FHIT: variants seen among roughly 807,000 people sequenced by gnomAD.
FHIT encodes the protein bis(5'-adenosyl)-triphosphatase.
FHIT carries 19 observed loss-of-function variants against 17.9 expected under a neutral mutation model. That is an observed-to-expected ratio of 1.06 (90% CI 0.74 to 1.56). The LOEUF (loss-of-function observed/expected upper bound fraction) is 1.56. Among genes scored for constraint, FHIT ranks in the 40% most tolerant of loss-of-function variants. The pLI, the probability that FHIT is intolerant of heterozygous loss-of-function variation, is 0.00. For synonymous variants in FHIT, 81 were observed against 69.7 expected (o/e 1.16, Z -0.81); for missense variants, 248 against 189.2 (o/e 1.31, Z -1.82).
intron 4 of FHIT, among the ~76,000 whole-genome samples, chr3:60,805,443 C>T (rs1383658412): frequency 1.3e-5 from 2 of 152,186 alleles, no homozygotes; most frequent in South Asian, 2.1e-4. Context: ...CTGTGTGCTT[C>T]CTCCCCTAGT....
rs11382712 is a variant in FHIT at position 60,909,369 on chromosome 3, GA to G, written c.-110-87359del. Among the ~76,000 whole-genome samples the G allele has an allele frequency of 4.3e-3, 515 of 120,292 alleles. 4 individuals carry two copies. The South Asian group carries it at 0.048, about 11-fold the overall frequency. The allele number at this position is 120,292 out of a possible 152,430, so 78.9% of individuals were successfully genotyped here. A position where few individuals can be genotyped will look rare whatever the true frequency, so the allele number is the denominator to read the frequency against. Reference sequence around the variant, plus strand: ...GGGCAGCAGAGCGAGACTCTGTCTCGAAAAAAAAAAAAAAAAATGAGGGTAA... The same window carrying G: ...GGGCAGCAGAGCGAGACTCTGTCTCGAAAAAAAAAAAAAAAATGAGGGTAA... On this transcript the variant is annotated intron_variant, in intron 3 of 9. Transcript: ENST00000492590.
intron 2 of FHIT, among the ~76,000 whole-genome samples, chr3:61,055,790 G>A (rs541325654): frequency 3.9e-5 from 6 of 152,302 alleles, no homozygotes; most frequent in South Asian, 2.1e-4. Context: ...GTGTTCTAAT[G>A]AGGGACAGAG....
intron 4 of FHIT, among the ~76,000 whole-genome samples, chr3:60,562,446 T>C (rs2036986022): frequency 6.6e-6 from 1 of 152,180 alleles, no homozygotes; most frequent in Admixed American, 6.6e-5. Flanking sequence ...AAGAAAAGTC[T>C]CACTTGAGAC....
At chr3:59,986,528 T>C (rs796912717) in intron 7 of FHIT, among the ~76,000 whole-genome samples, 56 of 3,740 alleles carry the variant, frequency 0.015, 5 homozygotes, top group South Asian at 0.028. Flanking sequence ...TATATATATA[T>C]ATATATATAT....
At chr3:60,438,106 G>C (rs375396298) in intron 5 of FHIT, among the ~76,000 whole-genome samples, 1 of 151,890 alleles carries the variant, frequency 6.6e-6, no homozygotes, top group Admixed American at 6.6e-5. Context: ...TGTGGCAACC[G>C]TACAGTCAAA....
At chr3:60,482,591 G>A (rs2033660571) in intron 5 of FHIT, among the ~76,000 whole-genome samples, 1 of 152,044 alleles carries the variant, frequency 6.6e-6, no homozygotes, top group Non-Finnish European at 1.5e-5. Context: ...GGTAAATAAT[G>A]GAATTAAGGC....
At chr3:60,572,466 CTG>C (rs2037418154) in intron 4 of FHIT, among the ~76,000 whole-genome samples, 1 of 151,892 alleles carries the variant, frequency 6.6e-6, no homozygotes, top group Non-Finnish European at 1.5e-5. Context: ...AAAAAAGAGA[CTG>C]TTGATAACAT....
At chr3:61,008,231 A>G (rs1476716069) in intron 3 of FHIT, among the ~76,000 whole-genome samples, 1 of 152,256 alleles carries the variant, frequency 6.6e-6, no homozygotes, top group Non-Finnish European at 1.5e-5. Context: ...CCATTTTAAA[A>G]GGTACTGTCC....
chr3:60,281,318 T>C (rs1268968815), intron 5 of FHIT, among the ~76,000 whole-genome samples: 9 of 152,282 alleles, frequency 5.9e-5, no homozygotes, highest in Non-Finnish European at 8.8e-5. Context: ...AAAGTTATTC[T>C]GTGAATATCA....
At chr3:59,865,280 A>C (rs1523115) in intron 8 of FHIT, among the ~76,000 whole-genome samples, 1 of 152,110 alleles carries the variant, frequency 6.6e-6, no homozygotes, top group Non-Finnish European at 1.5e-5. Flanking sequence ...CTTTTAAACC[A>C]TGGCTGTCAC....
At chr3:60,128,582 A>T (rs1403627152) in intron 5 of FHIT, among the ~76,000 whole-genome samples, 1 of 152,184 alleles carries the variant, frequency 6.6e-6, no homozygotes, top group Non-Finnish European at 1.5e-5. Flanking sequence ...AGTACCCAAG[A>T]TATTACAGCA....
chr3:61,214,922 A>G (rs960589217), intron 1 of FHIT, among the ~76,000 whole-genome samples: 3 of 152,006 alleles, frequency 2.0e-5, no homozygotes, highest in African/African-American at 4.8e-5. Flanking sequence ...GATTACCTCA[A>G]TAGATGCAGA....
intron 3 of FHIT, among the ~76,000 whole-genome samples, chr3:61,027,932 G>GCA (rs1271543613): frequency 6.6e-6 from 1 of 152,132 alleles, no homozygotes; most frequent in Non-Finnish European, 1.5e-5. Flanking sequence ...GGGCATGCAT[G>GCA]CACACACATA....
At chr3:60,566,239 T>A (rs997230982) in intron 4 of FHIT, among the ~76,000 whole-genome samples, 9 of 152,100 alleles carry the variant, frequency 5.9e-5, no homozygotes, top group African/African-American at 9.7e-5. Context: ...TTCTGTTGAT[T>A]TGGGGTTGAG....
chr3:60,513,158 T>C (rs751016233), intron 5 of FHIT, among the ~76,000 whole-genome samples: 10 of 152,190 alleles, frequency 6.6e-5, no homozygotes, highest in Admixed American at 2.6e-4. Context: ...GTTAGAGGGT[T>C]TGGCACAAAG....
intron 3 of FHIT, among the ~76,000 whole-genome samples, chr3:60,896,150 G>T (rs1553761903): frequency 1.3e-5 from 2 of 152,088 alleles, no homozygotes; most frequent in Non-Finnish European, 2.9e-5. Flanking sequence ...AGATGGAACA[G>T]TTTCATCCTG....
chr3:61,063,939 GTA>G (rs1462013913), intron 2 of FHIT, among the ~76,000 whole-genome samples: 1 of 152,208 alleles, frequency 6.6e-6, no homozygotes, highest in African/African-American at 2.4e-5. Flanking sequence ...ATGGACAGAA[GTA>G]TAGCAGCAGT....
chr3:60,208,747 A>G (rs1703313782), intron 5 of FHIT, among the ~76,000 whole-genome samples: 1 of 152,228 alleles, frequency 6.6e-6, no homozygotes, highest in Non-Finnish European at 1.5e-5. Flanking sequence ...ATGAAAGAAA[A>G]TAATCACCAG....
At chr3:60,694,967 C>T (rs1419373098) in intron 4 of FHIT, among the ~76,000 whole-genome samples, 6 of 151,988 alleles carry the variant, frequency 3.9e-5, no homozygotes, top group South Asian at 2.1e-4. Context: ...ATGTAAATGA[C>T]GGGTTAATGG....
Sources: allele counts gnomAD v4.1 joint callset (sites outside exome capture counted in the v4.1 genomes callset), GRCh38; gene constraint gnomAD v4.1.1; transcripts MANE v1.5; gene names NCBI Gene and HGNC (gene_info 2026-07-23, HGNC 2026-07-21).